TBX19: variants seen among roughly 807,000 people sequenced by gnomAD.
TBX19 encodes the protein T-box transcription factor 19.
Under a neutral mutation model 40.9 loss-of-function variants are expected in TBX19, and 33 were observed. The ratio of observed to expected loss-of-function variants is 0.81; its 90% CI spans 0.61 to 1.08. The LOEUF is 1.08. Ranked by LOEUF, TBX19 falls within the 50% of genes least tolerant of loss-of-function variation. The pLI is 0.00. For synonymous variants in TBX19, 220 were observed against 225.0 expected, an observed-to-expected ratio of 0.98 and a Z score of 0.20; for missense variants, 494 against 574.0, an observed-to-expected ratio of 0.86 and a Z score of 1.42.
chr1:168,290,517 A>G (rs919401993), intron 1 of TBX19, among the ~76,000 whole-genome samples: 5 of 152,236 alleles, frequency 3.3e-5, no homozygotes, highest in Non-Finnish European at 7.3e-5. Context: ...CACTTTGTAC[A>G]GTTAAGAGTT....
Position 168,298,861 on chromosome 1 carries a change from T to C in TBX19, c.665+1076T>C, listed in dbSNP as rs1348981576. On this transcript the variant is annotated intron_variant, in intron 4 of 7. Coordinates refer to ENST00000367821, the MANE Select transcript of TBX19 (RefSeq NM_005149.3). Reference sequence around the variant, plus strand: ...TTTCTTTCTTTCTTTCTTTCTTTCTTTCTTTCTTTCTTTCTTTCTTTCTTT... The same window carrying C: ...TTTCTTTCTTTCTTTCTTTCTTTCTCTCTTTCTTTCTTTCTTTCTTTCTTT... 3.6e-4 allele frequency among the ~76,000 whole-genome samples: 39 copies of C among 109,592 alleles called. 5 individuals carry two copies. The highest frequency in any genetic ancestry group is 1.4e-3 in the African/African-American group (33 of 24,258). 71.9% of individuals were successfully genotyped at this position (109,592 alleles called of 152,430 possible).
At chr1:168,309,387 A>G (rs1649475350) in intron 7 of TBX19, among the ~76,000 whole-genome samples, 1 of 152,200 alleles carries the variant, frequency 6.6e-6, no homozygotes, top group Admixed American at 6.5e-5. Flanking sequence ...AAATAAACAA[A>G]TAAATAAATA....
In TBX19 at chr1:168,280,956, G is replaced by A. The variant is rs1350799178; in HGVS notation, c.-135G>A. On this transcript the variant is annotated 5_prime_UTR_variant, in exon 1 of 8. Transcript: ENST00000367821. Reference sequence around the variant, plus strand: ...AAGGGGTGTCATCCTAGGAGCTTAGGCAAGAGCCAGGGTATCTTCTCTCCG... The same window carrying A: ...AAGGGGTGTCATCCTAGGAGCTTAGACAAGAGCCAGGGTATCTTCTCTCCG... 10 of 825,264 alleles carry A rather than the reference G, an allele frequency of 1.2e-5. No individual in the cohort carries two copies. The highest frequency in any genetic ancestry group is 2.0e-5 in the Non-Finnish European group (10 of 496,414). The allele number at this position is 825,264 out of a possible 1,614,324, so 51.1% of individuals were successfully genotyped here.
intron 3 of TBX19, among the ~76,000 whole-genome samples, chr1:168,296,840 C>T (rs1222697636): frequency 6.6e-6 from 1 of 151,544 alleles, no homozygotes; most frequent in Non-Finnish European, 1.5e-5. Context: ...AGCTACTGTA[C>T]TCCAGCCTGG....
intron 1 of TBX19, among the ~76,000 whole-genome samples, chr1:168,283,132 C>A (rs1408210230): frequency 6.6e-6 from 1 of 152,158 alleles, no homozygotes; most frequent in African/African-American, 2.4e-5. Flanking sequence ...TCCTTGAGCC[C>A]GGGATCAGTC....
At chr1:168,312,456 A>G (rs191645311) in intron 7 of TBX19, among the ~76,000 whole-genome samples, 4 of 152,320 alleles carry the variant, frequency 2.6e-5, no homozygotes, top group Admixed American at 2.6e-4. Flanking sequence ...TGTGTCTAAA[A>G]CCAAATAATT....
chr1:168,292,173 C>G (rs1018015997), intron 2 of TBX19, among the ~76,000 whole-genome samples: 5 of 152,158 alleles, frequency 3.3e-5, no homozygotes, highest in Non-Finnish European at 5.9e-5. Context: ...CCCATGTGCC[C>G]CTTCTCTGAT....
At position 168,291,394 on chromosome 1, in the gene TBX19, G is replaced by A; in HGVS notation, c.438G>A (p.Lys146=). ...MKAPISFSKV[K]LTNKLNGGGQ... ...CTCCCATCTCCTTCAGCAAAGTGAA[G>A]CTGACCAACAAGCTCAATGGAGGCG... is the stretch of plus-strand genomic sequence containing the variant. The change falls in exon 2 of 8, where the codon AAG becomes AAA. Residue 146 remains lysine, a synonymous_variant. Transcript: ENST00000367821. The A allele has an allele frequency of 4.3e-6, 7 of 1,614,200 alleles. No individual in the cohort carries two copies. Among genetic ancestry groups the A allele is most frequent in the Non-Finnish European group, 5.9e-6 (7 of 1,180,036 alleles).
At chr1:168,298,482 G>A (rs1649172163) in intron 4 of TBX19, among the ~76,000 whole-genome samples, 2 of 152,198 alleles carry the variant, frequency 1.3e-5, no homozygotes, top group South Asian at 2.1e-4. Context: ...CCTAGGAAAA[G>A]TGAAAAATGG....
chr1:168,287,918 T>C (rs1407212900), intron 1 of TBX19, among the ~76,000 whole-genome samples: 4 of 149,500 alleles, frequency 2.7e-5, no homozygotes, highest in Admixed American at 6.7e-5. Context: ...AAAGGAGTAG[T>C]GAATGAAATG....
chr1:168,288,795 C>T (rs1469497366), intron 1 of TBX19, among the ~76,000 whole-genome samples: 2 of 151,526 alleles, frequency 1.3e-5, no homozygotes, highest in Non-Finnish European at 2.9e-5. Context: ...CAGTCTCACT[C>T]TATCACCCAG....
At chr1:168,300,602 A>G (rs1649254621) in intron 5 of TBX19, 119 bp downstream of exon 5, 6 of 939,678 alleles carry the variant, frequency 6.4e-6, no homozygotes, top group Non-Finnish European at 6.8e-6. Context: ...AAAACCCAAC[A>G]CACAGTTTAT....
At chr1:168,299,071 G>A (rs1649203501) in intron 4 of TBX19, among the ~76,000 whole-genome samples, 1 of 150,562 alleles carries the variant, frequency 6.6e-6, no homozygotes, top group African/African-American at 2.4e-5. Flanking sequence ...CCACCACCAT[G>A]CCCAGCTAAT....
chr1:168,304,963 G>A lies in TBX19; in HGVS notation c.728-45G>A, dbSNP rs4656579. ...GCTGGTCACCTGATTTTTGGTGTGGGAGTTCACAGACTCAGTCTTGGTGTA... is the reference window on the plus strand; with the variant it reads ...GCTGGTCACCTGATTTTTGGTGTGGAAGTTCACAGACTCAGTCTTGGTGTA... On this transcript the variant is annotated intron_variant, in intron 5 of 7. Transcript: ENST00000367821. 1,055,922 of 1,592,222 alleles carry A rather than the reference G, an allele frequency of 0.66. 357,890 individuals are homozygous for A. Among genetic ancestry groups the A allele is most frequent in the Non-Finnish European group, 0.71 (826,545 of 1,163,158 alleles).
intron 1 of TBX19, among the ~76,000 whole-genome samples, chr1:168,288,906 G>A (rs1452319908): frequency 2.6e-5 from 4 of 152,088 alleles, no homozygotes; most frequent in Admixed American, 2.6e-4. Context: ...AACTACAGGT[G>A]TGCACCACCA....
At chr1:168,284,344 T>C (rs1040543898) in intron 1 of TBX19, among the ~76,000 whole-genome samples, 1 of 152,186 alleles carries the variant, frequency 6.6e-6, no homozygotes, top group Non-Finnish European at 1.5e-5. Flanking sequence ...ATACTTTAGT[T>C]TGCAGAAAGA....
rs1553289825 is a variant in TBX19 at position 168,298,800 on chromosome 1, C to CTCCTCCCT, written c.665+1015_665+1016insTCCTCCCT. Among the ~76,000 whole-genome samples the CTCCTCCCT allele has an allele frequency of 3.2e-3, 26 of 8,030 alleles. 1 individual carries two copies. The highest frequency in any genetic ancestry group is 6.4e-3 in the East Asian group (2 of 314). 5.3% of individuals were successfully genotyped at this position (8,030 alleles called of 152,430 possible). A position where few individuals can be genotyped will look rare whatever the true frequency, so the allele number is the denominator to read the frequency against. ...CCTTCCCTCCCTCCTCTCCTCTCCT[C>CTCCTCCCT]CCCTCCCTCCCTCCCTCCCTTCCTT... On this transcript the variant is annotated intron_variant, in intron 4 of 7. Coordinates refer to ENST00000367821, the MANE Select transcript of TBX19 (RefSeq NM_005149.3).
intron 6 of TBX19, 200 bp from the exon 7 acceptor site, chr1:168,308,542 A>G (rs1649456988): frequency 4.7e-6 from 3 of 631,890 alleles, no homozygotes; most frequent in Admixed American, 5.1e-5. Flanking sequence ...AGATTAAACT[A>G]TGAATGACAC....
At chr1:168,297,848 T>C in intron 4 of TBX19, 63 bp downstream of exon 4, 6 of 1,394,092 alleles carry the variant, frequency 4.3e-6, no homozygotes, top group Admixed American at 1.8e-5. Context: ...AAATGTGGAA[T>C]TTATGATTAT....
Sources: gnomAD v4.1 joint callset for allele counts (sites outside exome capture counted in the v4.1 genomes callset) on GRCh38, gnomAD v4.1.1 for gene constraint, MANE v1.5 for transcripts, NCBI Gene and HGNC (gene_info 2026-07-23, HGNC 2026-07-21) for gene names.